Variants in ADAMTS14 observed in about 807,000 individuals in gnomAD.
The protein encoded by ADAMTS14 is A disintegrin and metalloproteinase with thrombospondin motifs 14.
In ADAMTS14, 100 loss-of-function variants were observed where a neutral mutation model predicts 128.6. The ratio of observed to expected loss-of-function variants is 0.78; its 90% CI spans 0.66 to 0.92. The LOEUF is 0.92. Among genes scored for constraint, ADAMTS14 ranks in the 40% least tolerant of loss-of-function variants. The pLI is 0.00. For synonymous variants in ADAMTS14, 665 were observed against 653.8 expected (o/e 1.02, Z -0.26); for missense variants, 1,562 against 1,658.6 (o/e 0.94, Z 1.01).
At chr10:70,750,108 G>A (rs1719881745) in intron 16 of ADAMTS14, 123 bp downstream of exon 16, 1 of 1,286,156 alleles carries the variant, frequency 7.8e-7, no homozygotes, top group Non-Finnish European at 1.1e-6. Context: ...GCAAGGGCAA[G>A]GCACCTTCCA....
At chr10:70,702,206 C>A in intron 2 of ADAMTS14, 106 bp from the exon 3 acceptor site, 1 of 1,496,514 alleles carries the variant, frequency 6.7e-7, no homozygotes, top group Admixed American at 1.8e-5. Flanking sequence ...AGCCTGCAAG[C>A]ATGTAGGGTC....
At chr10:70,679,654 G>T (rs1839744726) in intron 2 of ADAMTS14, among the ~76,000 whole-genome samples, 1 of 152,238 alleles carries the variant, frequency 6.6e-6, no homozygotes, top group Non-Finnish European at 1.5e-5. Context: ...GCCCTGCGAC[G>T]GGGTGACGGG....
In ADAMTS14 at chr10:70,679,083, A is replaced by C. The variant is rs74656646; in HGVS notation, c.522+4088A>C. On this transcript the variant is annotated intron_variant, in intron 2 of 21. Coordinates refer to ENST00000373207, the MANE Select transcript of ADAMTS14 (RefSeq NM_080722.4). Reference sequence around the variant, plus strand: ...AGGCTAGTGGGGACCCAGACATAAAAGCAAACTTGAGAATCTAGTGAGAGG... The same window carrying C: ...AGGCTAGTGGGGACCCAGACATAAACGCAAACTTGAGAATCTAGTGAGAGG... 5.3e-5 allele frequency among the ~76,000 whole-genome samples: 8 copies of C among 152,324 alleles called. No homozygotes were observed. The East Asian group carries it at 1.5e-3, about 29-fold the overall frequency.
chr10:70,744,036 TC>T, intron 13 of ADAMTS14, 29 bp from the exon 14 acceptor site: 1 of 1,551,962 alleles, frequency 6.4e-7, no homozygotes. Context: ...CAGGGGAGCC[TC>T]CTCCCACTGA....
At chr10:70,704,496 AAC>A (rs1840593642) in intron 3 of ADAMTS14, among the ~76,000 whole-genome samples, 1 of 149,812 alleles carries the variant, frequency 6.7e-6, no homozygotes, top group Non-Finnish European at 1.5e-5. Flanking sequence ...CACTGACACA[AAC>A]ACACGCTCAC....
At position 70,757,996 on chromosome 10, in the gene ADAMTS14, G is replaced by A. The variant is rs202127280; in HGVS notation, c.2972G>A (p.Arg991Gln). Reference protein sequence around the residue: ...SATCGEGIQQRQVVCRTNANS... With the variant: ...SATCGEGIQQQQVVCRTNANS... ...ACCTGTGGAGAGGGCATCCAGCAGC[G>A]GCAGGTGGTGTGCAGGACCAACGCC... The change falls in exon 20 of 22, where the codon CGG becomes CAG. Residue 991 changes from arginine (R) to glutamine (Q), a missense_variant. Transcript: ENST00000373207. The A allele has an allele frequency of 1.4e-4, 228 of 1,613,206 alleles. 1 individual carries two copies. In the East Asian group the frequency reaches 4.3e-3, roughly 31 times the overall value.
intron 8 of ADAMTS14, 109 bp from the exon 9 acceptor site, chr10:70,735,060 G>A (rs1197411775): frequency 1.9e-5 from 26 of 1,393,126 alleles, no homozygotes; most frequent in Middle Eastern, 1.8e-4. Context: ...ACAGAATAGC[G>A]GGTGCAAATT....
intron 2 of ADAMTS14, among the ~76,000 whole-genome samples, chr10:70,698,773 G>C (rs770089473): frequency 6.6e-6 from 1 of 152,196 alleles, no homozygotes; most frequent in Non-Finnish European, 1.5e-5. Context: ...GTCCTAAACA[G>C]TTTACTGGGA....
In ADAMTS14 at chr10:70,760,494, G is replaced by C. The variant is rs1842582207; in HGVS notation, c.3313G>C (p.Asp1105His). ...GGCCTCGGGCCCCAACCCTGGCCCA[G>C]ACCCTGGCCCAACCTCACTGCCCCC... ...KKASGPNPGP[D>H]PGPTSLPPFS... is the part of the protein sequence containing the mutation. Residue 1105 changes from aspartate to histidine, a missense_variant, in exon 22 of 22, where the codon GAC becomes CAC. Physicochemically the swap from Asp to His is moderately conservative, Grantham distance 81. Coordinates refer to ENST00000373207, the MANE Select transcript of ADAMTS14 (RefSeq NM_080722.4). 1 of 1,613,788 alleles carries C rather than the reference G, an allele frequency of 6.2e-7. No individual in the cohort carries two copies. Among genetic ancestry groups the C allele is most frequent in the African/African-American group, 1.3e-5 (1 of 74,908 alleles).
chr10:70,743,954 C>G (rs1362757277), intron 13 of ADAMTS14, 112 bp from the exon 14 acceptor site: 1 of 1,389,590 alleles, frequency 7.2e-7, no homozygotes, highest in Non-Finnish European at 9.7e-7. Flanking sequence ...CCAGGGACAT[C>G]TCCCAGGCCA....
At position 70,738,865 on chromosome 10, in the gene ADAMTS14, C is replaced by G; in HGVS notation, c.1623C>G (p.Ile541Met). The stretch of plus-strand genomic sequence containing the variant: ...AGTGGTGCTTCAAAGGTCACTGCAT[C>G]TGGAAGTCGCCGGAGCAGACATATG... The part of the protein sequence containing the change: ...PGKWCFKGHC[I>M]WKSPEQTYGQ... Residue 541 changes from isoleucine (I) to methionine (M), a missense_variant, in exon 11 of 22, where the codon ATC becomes ATG. By Grantham distance (10) the Ile-to-Met change is conservative (BLOSUM62 1). Transcript: ENST00000373207. 6.2e-7 allele frequency: 1 copy of G among 1,614,112 alleles called. No homozygotes were observed. Among genetic ancestry groups the G allele is most frequent in the Non-Finnish European group, 8.5e-7 (1 of 1,180,028 alleles).
intron 11 of ADAMTS14, among the ~76,000 whole-genome samples, chr10:70,740,339 T>G (rs1841956418): frequency 6.6e-6 from 1 of 152,236 alleles, no homozygotes; most frequent in African/African-American, 2.4e-5. Flanking sequence ...CTTGACTTAA[T>G]GAAGAAGAGA....
intron 4 of ADAMTS14, among the ~76,000 whole-genome samples, chr10:70,710,420 C>T (rs12358019): frequency 0.26 from 40,124 of 152,208 alleles, 5,558 homozygotes; most frequent in Non-Finnish European, 0.3. Context: ...TTAGGGCCCT[C>T]TGCCCCTAGG....
rs370803022 is a variant in ADAMTS14 at position 70,753,809 on chromosome 10, G to A, written c.2739G>A (p.Thr913=). The change falls in exon 19 of 22, where the codon ACG becomes ACA. Residue 913 remains threonine, a synonymous_variant. Transcript: ENST00000373207. ...TTCACCCTGTTTCCAGGTGGGTGAC[G>A]GAGGAGTGGGGTGCCTGCAGCCGGA... The part of the protein sequence containing the change: ...QHPCSQPVWV[T]EEWGACSRSC... 1.4e-4 allele frequency: 217 copies of A among 1,579,194 alleles called. No homozygotes were observed. The highest frequency in any genetic ancestry group is 1.9e-4 in the South Asian group (16 of 85,790).
At chr10:70,745,755 G>A (rs1842159403) in intron 15 of ADAMTS14, among the ~76,000 whole-genome samples, 1 of 152,100 alleles carries the variant, frequency 6.6e-6, no homozygotes, top group South Asian at 2.1e-4. Flanking sequence ...GGCTCTGTGG[G>A]GTGGTTCTTC....
In ADAMTS14 at chr10:70,745,242, G is replaced by A. The variant is rs1327926774; in HGVS notation, c.2199G>A (p.Val733=). ...GTGTGGCAGGAGCTCTCAAGCTGGT[G>A]CAGATCCCAGCAGGTGCCAGGCACA... ...ASKQAGALKL[V]QIPAGARHIQ... The change falls in exon 15 of 22, where the codon GTG becomes GTA. Residue 733 remains valine (V), a synonymous_variant. Transcript: ENST00000373207. 14 of 1,612,354 alleles carry A rather than the reference G, an allele frequency of 8.7e-6. No individual in the cohort carries two copies. Among genetic ancestry groups the A allele is most frequent in the Non-Finnish European group, 1.0e-5 (12 of 1,179,938 alleles).
chr10:70,718,035 C>T (rs1841112954), intron 4 of ADAMTS14, among the ~76,000 whole-genome samples: 2 of 152,200 alleles, frequency 1.3e-5, no homozygotes. Context: ...AGTTGGCTGT[C>T]AGATCAGGGC....
At chr10:70,684,033 GTACAGGAAGCA>G (rs1219433726) in intron 2 of ADAMTS14, among the ~76,000 whole-genome samples, 2 of 152,112 alleles carry the variant, frequency 1.3e-5, no homozygotes, top group Non-Finnish European at 2.9e-5. Flanking sequence ...TCTGCAGGTT[GTACAGGAAGCA>G]TAGCGGCTTC....
rs568579001 is a variant in ADAMTS14 at position 70,690,037 on chromosome 10, G to A, written c.523-12275G>A. 8.9e-4 allele frequency among the ~76,000 whole-genome samples: 129 copies of A among 144,994 alleles called. 13 individuals are homozygous for A. The highest frequency in any genetic ancestry group is 7.1e-3 in the Middle Eastern group (2 of 280). On this transcript the variant is annotated intron_variant, in intron 2 of 21. Coordinates refer to ENST00000373207, the MANE Select transcript of ADAMTS14 (RefSeq NM_080722.4). ...CACCCTGCTGTAGAATGTTAGCTCC[G>A]TGCAAAGAGTAATTTTTGGCTGTGT...
Sources: allele counts gnomAD v4.1 joint callset (sites outside exome capture counted in the v4.1 genomes callset), GRCh38; gene constraint gnomAD v4.1.1; transcripts MANE v1.5; gene names NCBI Gene and HGNC (gene_info 2026-07-23, HGNC 2026-07-21).